Variants in MRPS27 observed in about 807,000 individuals in gnomAD.
MRPS27 encodes the protein mitochondrial ribosomal protein S27, also known as small ribosomal subunit protein mS27.
Under a neutral mutation model 48.9 loss-of-function variants are expected in MRPS27, and 43 were observed. The ratio of observed to expected loss-of-function variants is 0.88; its 90% CI spans 0.69 to 1.13. The LOEUF is 1.13. Among genes scored for constraint, MRPS27 ranks in the 50% most tolerant of loss-of-function variants. The pLI is 0.00. For synonymous variants in MRPS27, 188 were observed against 171.9 expected (o/e 1.09, Z -0.73); for missense variants, 467 against 476.3 (o/e 0.98, Z 0.18).
At chr5:72,298,435 T>C (rs1750037364) in intron 2 of MRPS27, among the ~76,000 whole-genome samples, 1 of 152,178 alleles carries the variant, frequency 6.6e-6, no homozygotes, top group Non-Finnish European at 1.5e-5. Context: ...TTGGTAAGAA[T>C]GTAAATTAAT....
chr5:72,307,825 A>G (rs1213911463), intron 2 of MRPS27: 1 of 152,212 alleles, frequency 6.6e-6, no homozygotes, highest in East Asian at 1.9e-4. Context: ...CAATGTCTAT[A>G]TTACGACTTG....
At chr5:72,292,727 G>T (rs1222340269) in intron 4 of MRPS27, among the ~76,000 whole-genome samples, 1 of 152,184 alleles carries the variant, frequency 6.6e-6, no homozygotes, top group African/African-American at 2.4e-5. Flanking sequence ...TAGAAGAGGA[G>T]AAGATGTGGC....
At chr5:72,249,455 G>A (rs554779802) in intron 4 of MRPS27, among the ~76,000 whole-genome samples, 6 of 152,316 alleles carry the variant, frequency 3.9e-5, no homozygotes, top group Admixed American at 2.0e-4. Flanking sequence ...AGGCCGAGGC[G>A]GGCAGGTCAC....
intron 2 of MRPS27, among the ~76,000 whole-genome samples, chr5:72,308,862 C>T (rs891308100): frequency 4.6e-5 from 7 of 152,170 alleles, no homozygotes; most frequent in African/African-American, 1.7e-4. Context: ...TTATAGAGGG[C>T]TAAAAACAAG....
At chr5:72,264,439 C>G (rs1749059237) in intron 4 of MRPS27, among the ~76,000 whole-genome samples, 1 of 152,064 alleles carries the variant, frequency 6.6e-6, no homozygotes, top group African/African-American at 2.4e-5. Context: ...GAGAGACTTA[C>G]AAATTGAATT....
At chr5:72,288,211 T>TC (rs67818835) in intron 4 of MRPS27, among the ~76,000 whole-genome samples, 2 of 116,700 alleles carry the variant, frequency 1.7e-5, no homozygotes, top group African/African-American at 5.8e-5. Flanking sequence ...GCAAGAATTC[T>TC]TTTTTTTTTT....
intron 5 of MRPS27, among the ~76,000 whole-genome samples, chr5:72,237,409 C>G (rs1748228191): frequency 6.6e-6 from 1 of 152,156 alleles, no homozygotes. Context: ...CTTTTCAGTG[C>G]TAACTTTCAG....
chr5:72,302,375 C>A (rs150384579), intron 2 of MRPS27, among the ~76,000 whole-genome samples: 2 of 152,016 alleles, frequency 1.3e-5, no homozygotes, highest in Non-Finnish European at 2.9e-5. Context: ...TGAGGTAGCA[C>A]GAGAGACTTA....
chr5:72,271,117 T>C (rs535191479), intron 4 of MRPS27, among the ~76,000 whole-genome samples: 1 of 152,254 alleles, frequency 6.6e-6, no homozygotes, highest in South Asian at 2.1e-4. Context: ...TATTCAACAT[T>C]GTATTGGAAG....
intron 4 of MRPS27, among the ~76,000 whole-genome samples, chr5:72,253,984 A>C (rs545766245): frequency 2.2e-4 from 34 of 152,260 alleles, no homozygotes; most frequent in African/African-American, 7.9e-4. Context: ...TCACTATGCT[A>C]TCTAGGCTGG....
chr5:72,267,578 A>G (rs982818087), intron 4 of MRPS27, among the ~76,000 whole-genome samples: 7 of 152,236 alleles, frequency 4.6e-5, no homozygotes, highest in African/African-American at 1.7e-4. Flanking sequence ...TCATTCCATC[A>G]TTCATTCAAC....
chr5:72,319,814 A>G (rs900802596), intron 1 of MRPS27, among the ~76,000 whole-genome samples: 1 of 152,184 alleles, frequency 6.6e-6, no homozygotes, highest in East Asian at 1.9e-4. Flanking sequence ...TGCTGGGACC[A>G]CAGGCGTGGG....
At chr5:72,259,613 GA>G (rs1748912243) in intron 4 of MRPS27, among the ~76,000 whole-genome samples, 1 of 151,970 alleles carries the variant, frequency 6.6e-6, no homozygotes, top group Admixed American at 6.6e-5. Flanking sequence ...GAAACATACA[GA>G]GAAATAAAAA....
intron 2 of MRPS27, among the ~76,000 whole-genome samples, chr5:72,306,016 A>T (rs1750256882): frequency 6.6e-6 from 1 of 152,246 alleles, no homozygotes; most frequent in Non-Finnish European, 1.5e-5. Flanking sequence ...TACAGAGCAC[A>T]GTTGAACTAT....
At chr5:72,241,430 G>A in intron 4 of MRPS27, 4 of 533,574 alleles carry the variant, frequency 7.5e-6, no homozygotes, top group Non-Finnish European at 1.3e-5. Context: ...CTCCTTTCTT[G>A]GCCCCCATCA....
At chr5:72,262,252 G>C (rs1442523107) in intron 4 of MRPS27, among the ~76,000 whole-genome samples, 4 of 152,128 alleles carry the variant, frequency 2.6e-5, no homozygotes, top group African/African-American at 9.7e-5. Context: ...AGTATTCACT[G>C]AAAGGGCTGT....
intron 10 of MRPS27, among the ~76,000 whole-genome samples, 174 bp from the exon 11 acceptor site, chr5:72,221,322 C>T (rs754249968): frequency 1.4e-4 from 21 of 152,182 alleles, no homozygotes; most frequent in African/African-American, 4.1e-4. Flanking sequence ...AATAACCACA[C>T]ATTTTGCTGG....
At chr5:72,276,947 C>T (rs1481030132) in intron 4 of MRPS27, among the ~76,000 whole-genome samples, 5 of 152,036 alleles carry the variant, frequency 3.3e-5, no homozygotes, top group African/African-American at 4.8e-5. Context: ...AGGAGAATTG[C>T]TTGAACCCAG....
intron 4 of MRPS27, among the ~76,000 whole-genome samples, chr5:72,273,425 C>G (rs2112021020): frequency 6.6e-6 from 1 of 152,340 alleles, no homozygotes; most frequent in South Asian, 2.1e-4. Context: ...CGTCCTCACT[C>G]TCTGAGAAAT....
Sources: gnomAD v4.1 joint callset for allele counts (sites outside exome capture counted in the v4.1 genomes callset) on GRCh38, gnomAD v4.1.1 for gene constraint, MANE v1.5 for transcripts, NCBI Gene and HGNC (gene_info 2026-07-23, HGNC 2026-07-21) for gene names.